Variants in TMEM132D observed in about 807,000 individuals in gnomAD.
The protein encoded by TMEM132D is transmembrane protein 132D.
In TMEM132D, 21 loss-of-function variants were observed where a neutral mutation model predicts 62.3. That is an observed-to-expected ratio of 0.34 (90% CI 0.24 to 0.49). The LOEUF (loss-of-function observed/expected upper bound fraction) is 0.49. Among genes scored for constraint, TMEM132D ranks in the 20% least tolerant of loss-of-function variants. The probability of loss-of-function intolerance (pLI) is 0.99; values close to 1 mark genes in which losing one functional copy is unlikely to be tolerated. For synonymous variants in TMEM132D, 621 were observed against 575.6 expected, an observed-to-expected ratio of 1.08 and a Z score of -1.13; for missense variants, 1,346 against 1,402.8, an observed-to-expected ratio of 0.96 and a Z score of 0.65.
chr12:129,488,728 C>G (rs948857022), intron 3 of TMEM132D, among the ~76,000 whole-genome samples: 1 of 151,418 alleles, frequency 6.6e-6, no homozygotes, highest in Admixed American at 6.6e-5. Flanking sequence ...AGGAGTGTGG[C>G]GGGGGAAACT....
chr12:129,232,913 G>A (rs942849549), intron 4 of TMEM132D, among the ~76,000 whole-genome samples: 5 of 151,940 alleles, frequency 3.3e-5, no homozygotes, highest in Non-Finnish European at 7.4e-5. Flanking sequence ...TCACTATCAT[G>A]AGAACAGCAC....
At chr12:129,662,812 A>AAAGAGAGAG (rs1555224287) in intron 2 of TMEM132D, among the ~76,000 whole-genome samples, 13 of 83,402 alleles carry the variant, frequency 1.6e-4, no homozygotes, top group East Asian at 6.4e-4. Context: ...AAAAAAAAAA[A>AAAGAGAGAG]AGAGAGAGAG....
chr12:129,751,002 G>T (rs1430217825), intron 1 of TMEM132D, among the ~76,000 whole-genome samples: 1 of 152,110 alleles, frequency 6.6e-6, no homozygotes, highest in Non-Finnish European at 1.5e-5. Context: ...TAAAATCTTT[G>T]ATTTCTGGTT....
At chr12:129,416,648 C>T (rs1431687376) in intron 3 of TMEM132D, among the ~76,000 whole-genome samples, 2 of 152,134 alleles carry the variant, frequency 1.3e-5, no homozygotes, top group Non-Finnish European at 2.9e-5. Context: ...AAAGGGAATG[C>T]CTCCAGTTTT....
At chr12:129,153,544 C>T (rs142793549) in intron 5 of TMEM132D, among the ~76,000 whole-genome samples, 2 of 152,156 alleles carry the variant, frequency 1.3e-5, no homozygotes, top group African/African-American at 4.8e-5. Flanking sequence ...CTACCTACAG[C>T]GTTTCTGTGC....
intron 1 of TMEM132D, among the ~76,000 whole-genome samples, chr12:129,876,103 T>A (rs1356390926): frequency 6.6e-6 from 1 of 152,146 alleles, no homozygotes; most frequent in Non-Finnish European, 1.5e-5. Flanking sequence ...ACTACCTAGT[T>A]CCAGAAACAA....
intron 2 of TMEM132D, among the ~76,000 whole-genome samples, chr12:129,643,950 G>A (rs889420814): frequency 1.1e-4 from 16 of 151,722 alleles, no homozygotes; most frequent in Non-Finnish European, 2.2e-4. Flanking sequence ...GGCCTCCTGG[G>A]TTCAAATGAT....
intron 2 of TMEM132D, among the ~76,000 whole-genome samples, chr12:129,554,261 ATGACAGC>A (rs1876988293): frequency 6.6e-6 from 1 of 152,168 alleles, no homozygotes; most frequent in South Asian, 2.1e-4. Flanking sequence ...GTGGACTGTG[ATGACAGC>A]TCAAAATGTT....
intron 4 of TMEM132D, among the ~76,000 whole-genome samples, chr12:129,333,319 G>T (rs891645215): frequency 2.6e-5 from 4 of 152,164 alleles, no homozygotes; most frequent in Non-Finnish European, 5.9e-5. Flanking sequence ...CATATCCTTT[G>T]ATTTGAATTT....
In TMEM132D at chr12:129,504,763, G is replaced by C. The variant is rs10773670; in HGVS notation, c.1115+26296C>G. Among the ~76,000 whole-genome samples, 4 of 151,710 alleles carry C rather than the reference G, an allele frequency of 2.6e-5. No individual in the cohort carries two copies. In the South Asian group the frequency reaches 8.3e-4, roughly 32 times the overall value. On this transcript the variant is annotated intron_variant, in intron 3 of 8. Coordinates refer to ENST00000422113, the MANE Select transcript of TMEM132D (RefSeq NM_133448.3). ...TTATTTCCTTTCTTCTGCTGGGTTT[G>C]GGTTTGTTCTTGTTTCTCTAGTTCC... is the stretch of plus-strand genomic sequence containing the variant.
intron 4 of TMEM132D, among the ~76,000 whole-genome samples, chr12:129,230,084 A>G (rs568649493): frequency 6.6e-6 from 1 of 152,274 alleles, no homozygotes; most frequent in South Asian, 2.1e-4. Context: ...GATAAAATCA[A>G]TCTGGGGTTT....
intron 2 of TMEM132D, among the ~76,000 whole-genome samples, chr12:129,659,071 T>A (rs974474423): frequency 6.6e-6 from 1 of 151,992 alleles, no homozygotes; most frequent in African/African-American, 2.4e-5. Context: ...TGGCTAATTT[T>A]TTTTTTGTTG....
chr12:129,315,786 G>C (rs1868469312), intron 4 of TMEM132D, among the ~76,000 whole-genome samples: 1 of 151,674 alleles, frequency 6.6e-6, no homozygotes, highest in African/African-American at 2.4e-5. Context: ...TTTTTTTGTT[G>C]GTAATTTTTA....
At chr12:129,620,491 C>G (rs552995340) in intron 2 of TMEM132D, among the ~76,000 whole-genome samples, 1 of 152,078 alleles carries the variant, frequency 6.6e-6, no homozygotes, top group Non-Finnish European at 1.5e-5. Context: ...CCTAGCTGCT[C>G]GGGAGGCTGA....
chr12:129,160,018 G>A (rs1243759540), intron 5 of TMEM132D, among the ~76,000 whole-genome samples: 1 of 152,162 alleles, frequency 6.6e-6, no homozygotes, highest in African/African-American at 2.4e-5. Flanking sequence ...AGAGCATGGA[G>A]CAAGGATGAA....
intron 3 of TMEM132D, among the ~76,000 whole-genome samples, chr12:129,405,772 C>T (rs1248108133): frequency 6.6e-6 from 1 of 152,144 alleles, no homozygotes; most frequent in Non-Finnish European, 1.5e-5. Context: ...GAAGACTAGT[C>T]CTGCTTCCAT....
intron 5 of TMEM132D, among the ~76,000 whole-genome samples, chr12:129,153,026 G>C (rs1877122084): frequency 6.6e-6 from 1 of 152,114 alleles, no homozygotes; most frequent in Admixed American, 6.5e-5. Context: ...TCCTCCCTTT[G>C]TCTTTGCAGC....
chr12:129,488,581 T>C (rs1167166591), intron 3 of TMEM132D, among the ~76,000 whole-genome samples: 1 of 152,008 alleles, frequency 6.6e-6, no homozygotes, highest in Non-Finnish European at 1.5e-5. Context: ...GGCTGAGGCA[T>C]GAGAATCCCT....
intron 3 of TMEM132D, among the ~76,000 whole-genome samples, chr12:129,432,223 TTGGATGGA>T (rs952880778): frequency 2.3e-5 from 3 of 132,004 alleles, no homozygotes; most frequent in Admixed American, 1.5e-4. Flanking sequence ...GGATGGATGC[TTGGATGGA>T]TGGATGGATG....
Sources: allele counts gnomAD v4.1 joint callset (sites outside exome capture counted in the v4.1 genomes callset), GRCh38; gene constraint gnomAD v4.1.1; transcripts MANE v1.5; gene names NCBI Gene and HGNC (gene_info 2026-07-23, HGNC 2026-07-21).